DIP2A: variants seen among roughly 807,000 people sequenced by gnomAD.
DIP2A encodes DIP2 acetate--CoA ligase A.
Under a neutral mutation model 177.4 loss-of-function variants are expected in DIP2A, and 85 were observed. That is an observed-to-expected ratio of 0.48 (90% CI 0.40 to 0.57). The LOEUF (loss-of-function observed/expected upper bound fraction) is 0.57, where lower values mean the gene tolerates loss of function less well. Ranked by LOEUF, DIP2A falls within the 20% of genes least tolerant of loss-of-function variation. The pLI is 0.00. For synonymous variants in DIP2A, 886 were observed against 881.8 expected, an observed-to-expected ratio of 1.00 and a Z score of -0.08; for missense variants, 1,791 against 2,100.2, an observed-to-expected ratio of 0.85 and a Z score of 2.88.
the DIP2A span, among the ~76,000 whole-genome samples, chr21:46,578,504 G>A: frequency 6.6e-6 from 1 of 152,204 alleles, no homozygotes. Context: ...TTGAATAGGA[G>A]TGGTGAGAGG....
chr21:46,548,174 A>ATGTGTGTG (rs1360982466), intron 21 of DIP2A, among the ~76,000 whole-genome samples: 2 of 144,486 alleles, frequency 1.4e-5, no homozygotes, highest in African/African-American at 5.3e-5. Flanking sequence ...GTGCTCATGC[A>ATGTGTGTG]TGTGTGCGTG....
chr21:46,495,244 T>TTCTCTTCTTTCTCTCTCTC (rs2057275285), intron 3 of DIP2A, among the ~76,000 whole-genome samples: 4 of 38,206 alleles, frequency 1.0e-4, no homozygotes, highest in South Asian at 1.2e-3. Context: ...CTTCTCTTCT[T>TTCTCTTCTTTCTCTCTCTC]TCTCTCTCTC....
At chr21:46,560,347 G>A (rs2060623176) in intron 32 of DIP2A, among the ~76,000 whole-genome samples, 1 of 152,246 alleles carries the variant, frequency 6.6e-6, no homozygotes, top group Non-Finnish European at 1.5e-5. Flanking sequence ...AATTAGGCTG[G>A]TTGGTGAGAG....
In DIP2A at chr21:46,565,771, C is replaced by T. The variant is rs532677856; in HGVS notation, c.4223C>T (p.Ala1408Val). The change falls in exon 36 of 38, where the codon GCG becomes GTG. Residue 1408 changes from alanine (A) to valine (V), a missense_variant. By Grantham distance (64) the Ala-to-Val change is moderately conservative. Coordinates refer to ENST00000417564, the MANE Select transcript of DIP2A (RefSeq NM_015151.4). ...TACTACACCGTTTACGGGGAGGAGG[C>T]GCTTCATGCCGACCACTTCAGTGCC... Reference protein sequence around the residue: ...TGYYTVYGEEALHADHFSARL... With the variant: ...TGYYTVYGEEVLHADHFSARL... 49 of 1,613,950 alleles carry T rather than the reference C, an allele frequency of 3.0e-5. 1 individual carries two copies. In the East Asian group the frequency reaches 3.8e-4, roughly 12 times the overall value.
At chr21:46,510,392 A>T (rs971227513) in intron 7 of DIP2A, among the ~76,000 whole-genome samples, 1 of 152,096 alleles carries the variant, frequency 6.6e-6, no homozygotes, top group Non-Finnish European at 1.5e-5. Context: ...ACCCTCACAG[A>T]CACACCCAGG....
In DIP2A at chr21:46,532,133, C is replaced by G; in HGVS notation, c.1201C>G (p.Leu401Val). The G allele has an allele frequency of 6.2e-7, 1 of 1,613,340 alleles. No individual in the cohort carries two copies. Among genetic ancestry groups the G allele is most frequent in the Admixed American group, 1.7e-5 (1 of 59,962 alleles). The change falls in exon 10 of 38, where the codon CTC (leucine) becomes GTC (valine). Residue 401 changes from leucine to valine, a missense_variant. Leu to Val is a conservative substitution (Grantham distance 32). Transcript: ENST00000417564. ...TTTCTTTGTCCTGTTGTAGGTGGCG[C>G]TCGTGTTTCCGAATAGTGACCCTGT... ...PLLKPGDRVA[L>V]VFPNSDPVMF...
At chr21:46,493,386 A>G (rs913840730) in intron 3 of DIP2A, among the ~76,000 whole-genome samples, 1 of 152,156 alleles carries the variant, frequency 6.6e-6, no homozygotes, top group African/African-American at 2.4e-5. Context: ...CAAATCCATC[A>G]CAAGGGTCTC....
intron 2 of DIP2A, among the ~76,000 whole-genome samples, chr21:46,486,185 T>C (rs1291725558): frequency 6.6e-6 from 1 of 151,670 alleles, no homozygotes; most frequent in African/African-American, 2.4e-5. Flanking sequence ...CATTGTCCAG[T>C]ATATGAAACA....
intron 6 of DIP2A, among the ~76,000 whole-genome samples, chr21:46,506,804 C>CTT (rs56782646): frequency 0.045 from 3,345 of 74,158 alleles, 386 homozygotes; most frequent in Non-Finnish European, 0.07. Flanking sequence ...TCTTTCTTCT[C>CTT]TTTTTTTTTT....
intron 21 of DIP2A, among the ~76,000 whole-genome samples, chr21:46,548,059 A>G (rs1425545480): frequency 6.6e-6 from 1 of 152,048 alleles, no homozygotes; most frequent in East Asian, 1.9e-4. Context: ...TCGTGAGGGG[A>G]TTCTGCAAAG....
intron 13 of DIP2A, among the ~76,000 whole-genome samples, chr21:46,535,731 G>A (rs536341175): frequency 1.3e-5 from 2 of 152,292 alleles, no homozygotes; most frequent in East Asian, 3.9e-4. Context: ...ATCAAGCCCC[G>A]TGACTTTCTT....
chr21:46,524,002 C>T (rs936815518), intron 8 of DIP2A, among the ~76,000 whole-genome samples: 2 of 152,204 alleles, frequency 1.3e-5, no homozygotes, highest in African/African-American at 4.8e-5. Flanking sequence ...TGCGGCGACG[C>T]TGAATCAAAA....
rs1039497159 is a variant in DIP2A, at chr21:46,563,085, T to G, written c.4090-773T>G. Among the ~76,000 whole-genome samples, 1 of 152,156 alleles carries G rather than the reference T, an allele frequency of 6.6e-6. No individual in the cohort carries two copies. Among genetic ancestry groups the G allele is most frequent in the Non-Finnish European group, 1.5e-5 (1 of 68,020 alleles). ...TGTGTCCTGGAAAGAGCTCTGGTTT[T>G]GGGGCTCAGCTGGGACATGCAGGGA... On this transcript the variant is annotated intron_variant, in intron 34 of 37. Coordinates refer to ENST00000417564, the MANE Select transcript of DIP2A (RefSeq NM_015151.4). This position sits in a 1 kb window ranked among gnomAD's most constrained non-coding sequence, Gnocchi z 4.3.
In DIP2A at chr21:46,557,500, A is replaced by T. The variant is rs573827866; in HGVS notation, c.3630-85A>T. On this transcript the variant is annotated intron_variant, in intron 30 of 37. Coordinates refer to ENST00000417564, the MANE Select transcript of DIP2A (RefSeq NM_015151.4). The surrounding 1 kb of genome is among the most constrained non-coding windows in gnomAD (Gnocchi z 6.0). ...AATCATGCCCCTGTTGTGGCTGGAA[A>T]AGAAGTGTTCTTGAGGAAGGGAAGA... 272 of 1,455,100 alleles carry T rather than the reference A, an allele frequency of 1.9e-4. No individual in the cohort carries two copies. Among genetic ancestry groups the T allele is most frequent in the Non-Finnish European group, 2.5e-4 (266 of 1,083,990 alleles). 90.1% of individuals were successfully genotyped at this position (1,455,100 alleles called of 1,614,324 possible).
At chr21:46,533,967 ACTGCTTG>A in intron 11 of DIP2A, 30 bp from the exon 12 acceptor site, 1 of 1,566,850 alleles carries the variant, frequency 6.4e-7, no homozygotes, top group South Asian at 1.1e-5. Context: ...GATGCCTCTG[ACTGCTTG>A]CTGTTCTGTG....
rs1401393604 is a variant in DIP2A at position 46,529,159 on chromosome 21, A to G, written c.1170A>G (p.Glu390=). 3 of 1,534,496 alleles carry G rather than the reference A, an allele frequency of 2.0e-6. No homozygotes were observed. Among genetic ancestry groups the G allele is most frequent in the African/African-American group, 2.8e-5 (2 of 72,222 alleles). Residue 390 remains glutamate, a synonymous_variant, in exon 9 of 38, where the codon GAA becomes GAG. Transcript: ENST00000417564. ...TLLNKLTSKN[E]PLLKPGDRVA... is the part of the protein sequence containing the mutation. ...TTAATAAACTGACAAGTAAGAATGAACCTCTACTTAAACCTGGAGACAGAG... is the reference window on the plus strand; with the variant it reads ...TTAATAAACTGACAAGTAAGAATGAGCCTCTACTTAAACCTGGAGACAGAG...
chr21:46,497,200 T>C lies in DIP2A; in HGVS notation c.403+93T>C, dbSNP rs1601518118. The C allele has an allele frequency of 3.4e-6, 5 of 1,467,692 alleles. 1 individual carries two copies. The Admixed American group carries it at 9.3e-5, about 27-fold the overall frequency. The allele number at this position is 1,467,692 out of a possible 1,614,324, so 90.9% of individuals were successfully genotyped here. A position where few individuals can be genotyped will look rare whatever the true frequency, so the allele number is the denominator to read the frequency against. ...ACTTCCCATTGAGTTGGAATATCCG[T>C]CTGGCCTGTAGTATAGATTGGACGC... On this transcript the variant is annotated intron_variant, in intron 4 of 37. Coordinates refer to ENST00000417564, the MANE Select transcript of DIP2A (RefSeq NM_015151.4).
At position 46,498,872 on chromosome 21, in the gene DIP2A, C is replaced by CGGGGTCAGGAGTGTCCAGGACAGA; in HGVS notation, c.655+42_655+65dup. 1 of 1,572,478 alleles carries CGGGGTCAGGAGTGTCCAGGACAGA rather than the reference C, an allele frequency of 6.4e-7. No homozygotes were observed. The highest frequency in any genetic ancestry group is 1.2e-5 in the South Asian group (1 of 84,428). On this transcript the variant is annotated intron_variant, in intron 5 of 37. Transcript: ENST00000417564. The surrounding 1 kb of genome is among the most constrained non-coding windows in gnomAD (Gnocchi z 4.3). The stretch of plus-strand genomic sequence containing the variant: ...TGCTGCGGCCCCTGTGCCAGCAGAG[C>CGGGGTCAGGAGTGTCCAGGACAGA]GGGGTCAGGAGTGTCCAGGACAGAG...
At chr21:46,546,410 AG>A in intron 20 of DIP2A, 1 of 694,628 alleles carries the variant, frequency 1.4e-6, no homozygotes, top group Non-Finnish European at 1.8e-6. Flanking sequence ...AACTCAAGGG[AG>A]GGGAGTGCTC....
Sources: allele counts gnomAD v4.1 joint callset (sites outside exome capture counted in the v4.1 genomes callset), GRCh38; gene constraint gnomAD v4.1.1; non-coding constraint Gnocchi (gnomAD v3.1); transcripts MANE v1.5; gene names NCBI Gene and HGNC (gene_info 2026-07-23, HGNC 2026-07-21).